The following BZW2 variants were observed in gnomAD, a reference collection of about 807,000 sequenced individuals.
BZW2 encodes the protein basic leucine zipper and W2 domains 2.
Under a neutral mutation model 53.2 loss-of-function variants are expected in BZW2, and 23 were observed. That is an observed-to-expected ratio of 0.43 (90% CI 0.31 to 0.61). The LOEUF (loss-of-function observed/expected upper bound fraction) is 0.61. BZW2 is among the 20% of genes least tolerant of loss of function. The pLI is 0.09. For synonymous variants in BZW2, 227 were observed against 186.4 expected (o/e 1.22, Z -1.77); for missense variants, 409 against 503.1 (o/e 0.81, Z 1.79).
At chr7:16,667,220 T>A (rs1782457153) in intron 2 of BZW2, among the ~76,000 whole-genome samples, 1 of 146,686 alleles carries the variant, frequency 6.8e-6, no homozygotes, top group South Asian at 2.1e-4. Flanking sequence ...GATTGGGAGG[T>A]CAGTGAGCCG....
intron 9 of BZW2, 75 bp downstream of exon 9, chr7:16,697,136 T>G: frequency 6.6e-7 from 1 of 1,522,508 alleles, no homozygotes; most frequent in Non-Finnish European, 8.9e-7. Context: ...TTTGTTTGTT[T>G]GAGAGTGCAG....
chr7:16,648,183 G>A (rs967517921), intron 1 of BZW2, among the ~76,000 whole-genome samples: 1 of 152,164 alleles, frequency 6.6e-6, no homozygotes, highest in African/African-American at 2.4e-5. Flanking sequence ...TTAATGTAGG[G>A]ATAAGATTAG....
intron 10 of BZW2, among the ~76,000 whole-genome samples, chr7:16,701,020 T>A (rs1178599385): frequency 6.6e-6 from 1 of 152,190 alleles, no homozygotes; most frequent in Admixed American, 6.6e-5. Flanking sequence ...ATGTCCCCCT[T>A]GGCAAATCTA....
chr7:16,648,717 C>T (rs1781923367), intron 1 of BZW2, among the ~76,000 whole-genome samples: 1 of 152,138 alleles, frequency 6.6e-6, no homozygotes, highest in Admixed American at 6.5e-5. Flanking sequence ...ACACTGGGCT[C>T]TAAGGTCACC....
chr7:16,667,322 A>G (rs556305072), intron 2 of BZW2, among the ~76,000 whole-genome samples: 73 of 152,206 alleles, frequency 4.8e-4, no homozygotes, highest in African/African-American at 1.7e-3. Context: ...CTGGAACTCA[A>G]TAGGGAAACT....
intron 2 of BZW2, among the ~76,000 whole-genome samples, chr7:16,665,787 T>C: frequency 6.6e-6 from 1 of 152,238 alleles, no homozygotes; most frequent in East Asian, 1.9e-4. Context: ...TTTTACTGGT[T>C]TTGACATTAG....
intron 2 of BZW2, 31 bp from the exon 3 acceptor site, chr7:16,674,381 T>TTATA: frequency 6.7e-7 from 1 of 1,486,240 alleles, no homozygotes; most frequent in Non-Finnish European, 9.2e-7. Context: ...ATTTATTTAT[T>TTATA]TGACTGTTAT....
In BZW2 at chr7:16,705,234, C is replaced by T. The variant is rs545648700; in HGVS notation, c.1231+565C>T. On this transcript the variant is annotated intron_variant, in intron 11 of 11. Coordinates refer to ENST00000258761, the MANE Select transcript of BZW2 (RefSeq NM_014038.3). ...ATTAGCCAGGTATGGTGGCTCACGC[C>T]TGTAGTCCCAGGTACTCGGGAGGGT... Among the ~76,000 whole-genome samples, 9 of 152,226 alleles carry T rather than the reference C, an allele frequency of 5.9e-5. No homozygotes were observed. The South Asian group carries it at 1.7e-3, about 28-fold the overall frequency.
intron 10 of BZW2, among the ~76,000 whole-genome samples, chr7:16,701,338 G>A (rs1783660991): frequency 1.3e-5 from 2 of 152,084 alleles, no homozygotes; most frequent in Admixed American, 6.6e-5. Flanking sequence ...ACCTTGTCAA[G>A]TACTGTTATT....
chr7:16,692,536 G>T (rs1374004488), intron 7 of BZW2, among the ~76,000 whole-genome samples: 2 of 152,166 alleles, frequency 1.3e-5, no homozygotes, highest in African/African-American at 2.4e-5. Context: ...GCTGAGGCAG[G>T]TGGATATCTT....
chr7:16,691,736 A>C (rs1267858796), intron 7 of BZW2, among the ~76,000 whole-genome samples: 1 of 152,244 alleles, frequency 6.6e-6, no homozygotes, highest in Non-Finnish European at 1.5e-5. Flanking sequence ...ACAAAGATAC[A>C]ATCTATCCGG....
intron 2 of BZW2, among the ~76,000 whole-genome samples, chr7:16,674,203 A>C (rs185482632): frequency 6.6e-6 from 1 of 152,184 alleles, no homozygotes; most frequent in Non-Finnish European, 1.5e-5. Flanking sequence ...CCCGGCCTAC[A>C]GTAACTTATT....
At chr7:16,667,909 G>A (rs1472223090) in intron 2 of BZW2, among the ~76,000 whole-genome samples, 1 of 152,122 alleles carries the variant, frequency 6.6e-6, no homozygotes, top group African/African-American at 2.4e-5. Context: ...CCATCTGGAA[G>A]CAGATATCAA....
intron 1 of BZW2, among the ~76,000 whole-genome samples, chr7:16,651,520 A>AT (rs1385742501): frequency 6.6e-6 from 1 of 152,250 alleles, no homozygotes; most frequent in Non-Finnish European, 1.5e-5. Flanking sequence ...AGGTAATTGA[A>AT]TGGGACTATT....
intron 1 of BZW2, among the ~76,000 whole-genome samples, chr7:16,660,036 C>A (rs706026): frequency 0.69 from 102,125 of 148,952 alleles, 36,211 homozygotes; most frequent in African/African-American, 0.88. Flanking sequence ...CCTGTGTCCA[C>A]GTGTTCTCAT....
chr7:16,697,306 G>A (rs1783530091), intron 9 of BZW2, among the ~76,000 whole-genome samples: 1 of 152,066 alleles, frequency 6.6e-6, no homozygotes, highest in Non-Finnish European at 1.5e-5. Context: ...GCCCAGGCTG[G>A]TCTTGAACTC....
intron 3 of BZW2, among the ~76,000 whole-genome samples, chr7:16,676,714 G>A (rs928195148): frequency 2.0e-5 from 3 of 152,030 alleles, no homozygotes; most frequent in Non-Finnish European, 2.9e-5. Flanking sequence ...CTAGTATTTC[G>A]TTAATTATGA....
intron 1 of BZW2, among the ~76,000 whole-genome samples, chr7:16,660,474 G>A (rs551028854): frequency 2.6e-5 from 4 of 151,534 alleles, no homozygotes; most frequent in Non-Finnish European, 4.4e-5. Context: ...TGTTACTTTG[G>A]AATGTGGTAA....
intron 2 of BZW2, 31 bp downstream of exon 2, chr7:16,665,532 T>C (rs1280865264): frequency 6.2e-7 from 1 of 1,605,938 alleles, no homozygotes; most frequent in Middle Eastern, 1.7e-4. Flanking sequence ...TGTGTGTGTT[T>C]AAAGTTGTAA....
Sources: allele counts gnomAD v4.1 joint callset (sites outside exome capture counted in the v4.1 genomes callset), GRCh38; gene constraint gnomAD v4.1.1; transcripts MANE v1.5; gene names NCBI Gene and HGNC (gene_info 2026-07-23, HGNC 2026-07-21).